The following CRACR2A variants were observed in gnomAD, a reference collection of about 807,000 sequenced individuals.
The protein encoded by CRACR2A is calcium release activated channel regulator 2A, also known as EF-hand calcium-binding domain-containing protein 4B.
CRACR2A carries 79 observed loss-of-function variants against 90.5 expected under a neutral mutation model. The ratio of observed to expected loss-of-function variants is 0.87; its 90% CI spans 0.73 to 1.05. The LOEUF (loss-of-function observed/expected upper bound fraction) is 1.05. CRACR2A is among the 50% of genes least tolerant of loss of function. The pLI is 0.00. For missense variants in CRACR2A, 823 were observed against 897.2 expected (o/e 0.92, Z 1.06); for synonymous variants, 338 against 356.7 (o/e 0.95, Z 0.59).
intron 2 of CRACR2A, among the ~76,000 whole-genome samples, chr12:3,713,686 A>G (rs868662750): frequency 3.4e-4 from 51 of 152,208 alleles, no homozygotes; most frequent in African/African-American, 1.2e-3. Context: ...CAATCCACAG[A>G]CGCTGTCTAC....
At chr12:3,641,106 G>A (rs975677897) in intron 13 of CRACR2A, among the ~76,000 whole-genome samples, 3 of 152,162 alleles carry the variant, frequency 2.0e-5, no homozygotes, top group Non-Finnish European at 4.4e-5. Flanking sequence ...AGCACTTTGG[G>A]AGGCCGAGGC....
At chr12:3,623,437 C>A (rs780568505) in intron 17 of CRACR2A, among the ~76,000 whole-genome samples, 2 of 152,112 alleles carry the variant, frequency 1.3e-5, no homozygotes, top group Non-Finnish European at 2.9e-5. Context: ...ACACTGGGGG[C>A]CAGCAATCCG....
intron 10 of CRACR2A, among the ~76,000 whole-genome samples, chr12:3,651,156 T>C (rs904720887): frequency 6.6e-6 from 1 of 152,230 alleles, no homozygotes; most frequent in Admixed American, 6.5e-5. Context: ...TTGGCTGTTT[T>C]AGGGGAGGGA....
At chr12:3,749,166 T>A (rs1388791848) in intron 1 of CRACR2A, among the ~76,000 whole-genome samples, 2 of 152,206 alleles carry the variant, frequency 1.3e-5, no homozygotes, top group Non-Finnish European at 2.9e-5. Context: ...GAGGCTTCCA[T>A]AAGGGAATAC....
chr12:3,648,052 A>G, intron 11 of CRACR2A: 1 of 991,276 alleles, frequency 1.0e-6, no homozygotes, highest in Non-Finnish European at 1.2e-6. Context: ...AACAGAACAC[A>G]GCCGAGTTAC....
intron 1 of CRACR2A, among the ~76,000 whole-genome samples, chr12:3,749,340 G>A (rs1565512939): frequency 6.6e-6 from 1 of 152,154 alleles, no homozygotes; most frequent in Admixed American, 6.5e-5. Context: ...TATTATAAGA[G>A]TGACTCCCTT....
At chr12:3,723,968 C>T (rs778813195) in intron 2 of CRACR2A, among the ~76,000 whole-genome samples, 58 of 152,134 alleles carry the variant, frequency 3.8e-4, no homozygotes, top group Non-Finnish European at 4.9e-4. Flanking sequence ...GCCCTTCCTT[C>T]GTTTCTAGGA....
intron 7 of CRACR2A, among the ~76,000 whole-genome samples, chr12:3,660,857 C>G (rs1218045720): frequency 6.9e-6 from 1 of 145,434 alleles, no homozygotes; most frequent in East Asian, 2.4e-4. Context: ...CACACACACA[C>G]ACACACACAC....
chr12:3,636,485 G>C, intron 14 of CRACR2A, among the ~76,000 whole-genome samples: 1 of 152,230 alleles, frequency 6.6e-6, no homozygotes. Flanking sequence ...TCCCCTCTGA[G>C]CTCTGACTTT....
intron 4 of CRACR2A, 34 bp from the exon 5 acceptor site, chr12:3,680,383 G>GT: frequency 1.3e-6 from 2 of 1,539,242 alleles, no homozygotes; most frequent in Non-Finnish European, 1.8e-6. Flanking sequence ...GGTTAACACT[G>GT]ACACTCACTG....
intron 7 of CRACR2A, among the ~76,000 whole-genome samples, chr12:3,669,905 C>T (rs1945210947): frequency 6.6e-6 from 1 of 152,190 alleles, no homozygotes; most frequent in Non-Finnish European, 1.5e-5. Context: ...AGGTCAGCCT[C>T]ATTTTCTCTG....
chr12:3,730,799 G>A (rs241966), intron 2 of CRACR2A: 68,199 of 152,038 alleles, frequency 0.45, 15,511 homozygotes, highest in Non-Finnish European at 0.48. Flanking sequence ...AATCCTGGAA[G>A]GTTGTATAGG....
intron 2 of CRACR2A, among the ~76,000 whole-genome samples, chr12:3,713,723 G>C (rs2137778653): frequency 6.6e-6 from 1 of 152,310 alleles, no homozygotes; most frequent in Non-Finnish European, 1.5e-5. Flanking sequence ...TTTGAAGATA[G>C]CGATGTAAGC....
At chr12:3,735,618 G>C (rs1946439526) in intron 1 of CRACR2A, among the ~76,000 whole-genome samples, 1 of 152,212 alleles carries the variant, frequency 6.6e-6, no homozygotes, top group South Asian at 2.1e-4. Context: ...TTATGGATCA[G>C]TAAACTGAGG....
chr12:3,658,700 G>A (rs1944963658), intron 8 of CRACR2A, among the ~76,000 whole-genome samples: 1 of 152,314 alleles, frequency 6.6e-6, no homozygotes, highest in South Asian at 2.1e-4. Context: ...AAGGGGTTGT[G>A]AGAATAGCCG....
At chr12:3,751,897 C>T (rs1423394853) in intron 1 of CRACR2A, among the ~76,000 whole-genome samples, 1 of 152,206 alleles carries the variant, frequency 6.6e-6, no homozygotes, top group Non-Finnish European at 1.5e-5. Context: ...TGGGCAAATA[C>T]TAAACCATGA....
chr12:3,640,748 G>A, intron 13 of CRACR2A: 1 of 1,305,374 alleles, frequency 7.7e-7, no homozygotes, highest in Non-Finnish European at 1.0e-6. Flanking sequence ...TGATACTGAA[G>A]AGTCGGGATG....
At chr12:3,748,222 T>C (rs1463720703) in intron 1 of CRACR2A, among the ~76,000 whole-genome samples, 5 of 152,118 alleles carry the variant, frequency 3.3e-5, no homozygotes, top group African/African-American at 1.2e-4. Flanking sequence ...ATTGTGTGAA[T>C]AAGGGATCTT....
chr12:3,615,405 CCT>C lies in CRACR2A; in HGVS notation c.2144_2145del (p.Glu715GlyfsTer10), dbSNP rs1291368410. On this transcript the variant is annotated frameshift_variant, in exon 20 of 20. Coordinates refer to ENST00000440314, the MANE Select transcript of CRACR2A (RefSeq NM_001144958.2). LOFTEE classifies it high-confidence loss of function. ...GCAGGGTGGCCGACCTGAATGGTGT[CCT>C]CTCTCACTGTGTCTTCTTGCTCCTT... ...FLKEQEDTVR[E>X]DTIQVGHPAK... 1 of 1,551,370 alleles carries C rather than the reference CCT, an allele frequency of 6.4e-7. No homozygotes were observed. The highest frequency in any genetic ancestry group is 8.7e-7 in the Non-Finnish European group (1 of 1,146,812).
Sources: gnomAD v4.1 joint callset for allele counts (sites outside exome capture counted in the v4.1 genomes callset) on GRCh38, gnomAD v4.1.1 for gene constraint, MANE v1.5 for transcripts, NCBI Gene and HGNC (gene_info 2026-07-23, HGNC 2026-07-21) for gene names.